SYN3: variants seen among roughly 807,000 people sequenced by gnomAD.
The protein encoded by SYN3 is synapsin III.
A neutral mutation model predicts 65.8 loss-of-function variants in SYN3; 35 were observed. The ratio of observed to expected loss-of-function variants is 0.53; its 90% CI spans 0.41 to 0.70. The LOEUF (loss-of-function observed/expected upper bound fraction) is 0.70. Ranked by LOEUF, SYN3 falls within the 30% of genes least tolerant of loss-of-function variation. SYN3 has a pLI of 0.00. For synonymous variants in SYN3, 270 were observed against 292.9 expected, an observed-to-expected ratio of 0.92 and a Z score of 0.80; for missense variants, 680 against 749.0, an observed-to-expected ratio of 0.91 and a Z score of 1.08.
At chr22:33,033,723 T>C (rs9609684) in intron 1 of SYN3, among the ~76,000 whole-genome samples, 27,352 of 151,910 alleles carry the variant, frequency 0.18, 2,794 homozygotes, top group East Asian at 0.41. Flanking sequence ...TGTGGAATAA[T>C]AGCACTGCGC....
chr22:32,553,544 G>T (rs1433341360), intron 7 of SYN3, among the ~76,000 whole-genome samples: 1 of 152,218 alleles, frequency 6.6e-6, no homozygotes, highest in Non-Finnish European at 1.5e-5. Context: ...AATGAATCAA[G>T]AAGACAAAGT....
At chr22:33,013,769 T>C (rs1415418998) in intron 1 of SYN3, among the ~76,000 whole-genome samples, 2 of 152,098 alleles carry the variant, frequency 1.3e-5, no homozygotes, top group Non-Finnish European at 2.9e-5. Context: ...TACTCTCAAA[T>C]TCTATGAGTT....
chr22:32,832,517 A>T (rs1039109310), intron 6 of SYN3, among the ~76,000 whole-genome samples: 3 of 151,764 alleles, frequency 2.0e-5, no homozygotes, highest in Non-Finnish European at 4.4e-5. Context: ...TTGCTATTCA[A>T]TACTTTCTAC....
intron 6 of SYN3, among the ~76,000 whole-genome samples, chr22:32,828,315 C>G (rs1394526861): frequency 6.6e-6 from 1 of 152,150 alleles, no homozygotes; most frequent in Non-Finnish European, 1.5e-5. Context: ...CACTTAGGAG[C>G]AGACAGCTTC....
intron 6 of SYN3, among the ~76,000 whole-genome samples, chr22:32,784,157 G>A (rs2046136642): frequency 1.3e-5 from 2 of 152,166 alleles, no homozygotes; most frequent in African/African-American, 2.4e-5. Flanking sequence ...GTGAGCCAAC[G>A]TGGCTCCCTT....
chr22:32,588,045 CTACATATA>C (rs1436558380), intron 7 of SYN3, among the ~76,000 whole-genome samples: 1 of 152,186 alleles, frequency 6.6e-6, no homozygotes, highest in Non-Finnish European at 1.5e-5. Flanking sequence ...GAGGACTGCA[CTACATATA>C]TACATATAGC....
chr22:32,945,205 T>C (rs1184888699), intron 3 of SYN3, among the ~76,000 whole-genome samples: 2 of 152,202 alleles, frequency 1.3e-5, no homozygotes, highest in Non-Finnish European at 2.9e-5. Flanking sequence ...AAAGTTCATA[T>C]GGAACCAAAA....
At chr22:32,833,646 C>G (rs760961541) in intron 6 of SYN3, among the ~76,000 whole-genome samples, 5 of 152,130 alleles carry the variant, frequency 3.3e-5, no homozygotes, top group African/African-American at 4.8e-5. Flanking sequence ...CAGGTAGGAC[C>G]CAGAGATGAG....
At chr22:32,922,863 T>C (rs1381355139) in intron 4 of SYN3, among the ~76,000 whole-genome samples, 1 of 152,118 alleles carries the variant, frequency 6.6e-6, no homozygotes, top group Non-Finnish European at 1.5e-5. Context: ...GAATCCTAGG[T>C]GCTGTTTGCC....
At chr22:32,847,083 A>AC (rs1187039233) in intron 6 of SYN3, among the ~76,000 whole-genome samples, 1 of 151,078 alleles carries the variant, frequency 6.6e-6, no homozygotes, top group Non-Finnish European at 1.5e-5. Flanking sequence ...CCCCTCCCAC[A>AC]CCCCCCGGCC....
intron 6 of SYN3, among the ~76,000 whole-genome samples, chr22:32,812,995 G>A (rs1041289803): frequency 1.3e-5 from 2 of 152,164 alleles, no homozygotes; most frequent in East Asian, 3.8e-4. Context: ...TATACTTAAG[G>A]TGGGAAGGTG....
At chr22:32,866,383 G>T (rs1463645081) in intron 5 of SYN3, among the ~76,000 whole-genome samples, 1 of 152,136 alleles carries the variant, frequency 6.6e-6, no homozygotes, top group Non-Finnish European at 1.5e-5. Flanking sequence ...CAGAAATATG[G>T]AAAACGATGT....
chr22:33,038,319 G>A (rs912226832), intron 1 of SYN3, among the ~76,000 whole-genome samples: 2 of 152,222 alleles, frequency 1.3e-5, no homozygotes, highest in African/African-American at 4.8e-5. Flanking sequence ...TTGCAGGCAA[G>A]GAAGGGATTT....
At position 32,524,776 on chromosome 22, in the gene SYN3, C is replaced by T. The variant is rs372404480; in HGVS notation, c.1318+3142G>A. Among the ~76,000 whole-genome samples the T allele has an allele frequency of 4.9e-4, 75 of 151,798 alleles. No homozygotes were observed. The East Asian group carries it at 6.2e-3, about 13-fold the overall frequency. On this transcript the variant is annotated intron_variant, in intron 12 of 13. Transcript: ENST00000358763. ...CTGTAATCCCAGCACTTTGGGAGGC[C>T]GAGGCGGGTGGCTCACAAGGTAAGG...
chr22:32,579,885 G>A (rs762750459), intron 7 of SYN3, among the ~76,000 whole-genome samples: 10 of 152,164 alleles, frequency 6.6e-5, no homozygotes, highest in Non-Finnish European at 1.2e-4. Context: ...TGAGCTCCCG[G>A]GTCACTGATT....
chr22:33,044,847 T>C (rs73881943), intron 1 of SYN3, among the ~76,000 whole-genome samples: 2,567 of 129,370 alleles, frequency 0.02, 35 homozygotes, highest in Middle Eastern at 0.059. Flanking sequence ...GATTCTTCTT[T>C]TTTTTTTTTT....
chr22:32,611,132 AT>A (rs2059436617), intron 6 of SYN3, among the ~76,000 whole-genome samples: 1 of 152,112 alleles, frequency 6.6e-6, no homozygotes, highest in Non-Finnish European at 1.5e-5. Flanking sequence ...CAGCTCATGA[AT>A]TTTTAACATT....
At chr22:32,643,857 C>T (rs967989418) in intron 6 of SYN3, among the ~76,000 whole-genome samples, 2 of 151,296 alleles carry the variant, frequency 1.3e-5, no homozygotes, top group Admixed American at 6.6e-5. Flanking sequence ...TTTGGGAGGC[C>T]GAGGCGGGTG....
intron 6 of SYN3, among the ~76,000 whole-genome samples, chr22:32,711,851 G>A (rs2060970599): frequency 2.6e-5 from 4 of 152,198 alleles, no homozygotes. Context: ...GCTTCCAGGA[G>A]TTGGTCTGTG....
Sources: gnomAD v4.1 joint callset for allele counts (sites outside exome capture counted in the v4.1 genomes callset) on GRCh38, gnomAD v4.1.1 for gene constraint, MANE v1.5 for transcripts, NCBI Gene and HGNC (gene_info 2026-07-23, HGNC 2026-07-21) for gene names.